TRAPPC9: variants seen among roughly 807,000 people sequenced by gnomAD.
The protein encoded by TRAPPC9 is trafficking protein particle complex subunit 9.
In TRAPPC9, 83 loss-of-function variants were observed where a neutral mutation model predicts 124.0. That is an observed-to-expected ratio of 0.67 (90% CI 0.56 to 0.80). The LOEUF (loss-of-function observed/expected upper bound fraction) is 0.80, where lower values mean the gene tolerates loss of function less well. Ranked by LOEUF, TRAPPC9 falls within the 30% of genes least tolerant of loss-of-function variation. The pLI, the probability that TRAPPC9 is intolerant of heterozygous loss-of-function variation, is 0.00. For synonymous variants in TRAPPC9, 638 were observed against 617.5 expected, an observed-to-expected ratio of 1.03 and a Z score of -0.49; for missense variants, 1,302 against 1,508.3, an observed-to-expected ratio of 0.86 and a Z score of 2.27.
At chr8:140,056,180 A>G (rs1842278879) in intron 17 of TRAPPC9, among the ~76,000 whole-genome samples, 2 of 152,122 alleles carry the variant, frequency 1.3e-5, no homozygotes, top group African/African-American at 4.8e-5. Context: ...AGTCTGAGGC[A>G]GAAGGATCAC....
At chr8:140,033,683 T>TG (rs1563706927) in intron 17 of TRAPPC9, among the ~76,000 whole-genome samples, 5 of 117,974 alleles carry the variant, frequency 4.2e-5, no homozygotes, top group African/African-American at 1.8e-4. Context: ...TTTTTTTTTT[T>TG]TTTTTTTTTT....
chr8:140,201,399 AAAACAACAAAC>A (rs1252532431), intron 17 of TRAPPC9, among the ~76,000 whole-genome samples: 1 of 152,232 alleles, frequency 6.6e-6, no homozygotes, highest in Non-Finnish European at 1.5e-5. Flanking sequence ...CTTGATGTAA[AAAACAACAAAC>A]AAACAAAACT....
chr8:140,078,670 G>A (rs1301434872), intron 17 of TRAPPC9, among the ~76,000 whole-genome samples: 5 of 152,176 alleles, frequency 3.3e-5, no homozygotes, highest in Admixed American at 3.3e-4. Context: ...GCAGCTCAGG[G>A]TTGAGAATGT....
intron 21 of TRAPPC9, among the ~76,000 whole-genome samples, chr8:139,789,603 TGTGTG>T (rs1344812472): frequency 1.3e-5 from 2 of 152,146 alleles, no homozygotes; most frequent in African/African-American, 4.8e-5. Flanking sequence ...GCACCCAACC[TGTGTG>T]GTCAACAGTG....
At chr8:140,002,754 A>C (rs1838481117) in intron 18 of TRAPPC9, among the ~76,000 whole-genome samples, 2 of 151,514 alleles carry the variant, frequency 1.3e-5, no homozygotes, top group African/African-American at 4.8e-5. Context: ...ACACAGATAC[A>C]GTCATTTTAT....
intron 19 of TRAPPC9, among the ~76,000 whole-genome samples, chr8:139,950,240 T>A (rs1288766313): frequency 6.6e-6 from 1 of 152,270 alleles, no homozygotes; most frequent in East Asian, 1.9e-4. Flanking sequence ...TCATCCTCAA[T>A]GAGTTCTCAT....
chr8:139,823,710 A>G lies in TRAPPC9; in HGVS notation c.3055+62169T>C, dbSNP rs1235417481. Among the ~76,000 whole-genome samples the G allele has an allele frequency of 2.0e-5, 3 of 152,358 alleles. No individual in the cohort carries two copies. In the East Asian group the frequency reaches 5.8e-4, roughly 29 times the overall value. On this transcript the variant is annotated intron_variant, in intron 21 of 22. Coordinates refer to ENST00000438773, the MANE Select transcript of TRAPPC9 (RefSeq NM_001160372.4). ...GTGTTCCTGGGAAGCCCTGCAGCAG[A>G]GGTGCCAGTCTTTCCAGGTATGGGG... is the stretch of plus-strand genomic sequence containing the variant.
chr8:140,266,248 G>C (rs953245583), intron 15 of TRAPPC9, among the ~76,000 whole-genome samples: 6 of 152,034 alleles, frequency 3.9e-5, no homozygotes, highest in Non-Finnish European at 8.8e-5. Flanking sequence ...TTGGGCTTAG[G>C]AGTTCAAGAC....
chr8:139,767,974 G>C (rs920385969), intron 21 of TRAPPC9, among the ~76,000 whole-genome samples: 1 of 152,204 alleles, frequency 6.6e-6, no homozygotes, highest in African/African-American at 2.4e-5. Flanking sequence ...CAGACCCTTT[G>C]ACTCAGGGTC....
intron 3 of TRAPPC9, among the ~76,000 whole-genome samples, chr8:140,438,419 G>A (rs2070892862): frequency 1.3e-5 from 2 of 152,188 alleles, no homozygotes; most frequent in African/African-American, 4.8e-5. Flanking sequence ...GTGACACATG[G>A]AGGAGGTTTT....
intron 8 of TRAPPC9, among the ~76,000 whole-genome samples, chr8:140,366,852 C>A (rs1408815623): frequency 6.6e-6 from 1 of 152,084 alleles, no homozygotes; most frequent in African/African-American, 2.4e-5. Context: ...TCATCCAAAT[C>A]ATAGAAAAAA....
chr8:139,931,586 G>A (rs1833143978), intron 19 of TRAPPC9: 1 of 152,220 alleles, frequency 6.6e-6, no homozygotes. Flanking sequence ...GAGCCTCTGG[G>A]CCCCGCGGTC....
chr8:140,225,896 C>T (rs936531657), intron 16 of TRAPPC9, among the ~76,000 whole-genome samples: 20 of 152,316 alleles, frequency 1.3e-4, no homozygotes, highest in African/African-American at 4.8e-4. Context: ...TACACCAACG[C>T]TTTTATCTCC....
chr8:139,797,409 G>A (rs1317847712), intron 21 of TRAPPC9, among the ~76,000 whole-genome samples: 1 of 152,064 alleles, frequency 6.6e-6, no homozygotes, highest in Non-Finnish European at 1.5e-5. Context: ...ACAGGCACCC[G>A]CCATCATGCC....
rs1325396113 is a variant in TRAPPC9 at position 139,732,248 on chromosome 8, C to A, written c.3056-46G>T. On this transcript the variant is annotated intron_variant, in intron 21 of 22. Coordinates refer to ENST00000438773, the MANE Select transcript of TRAPPC9 (RefSeq NM_001160372.4). ...TCGGGGGCTGGGCTGGCCTGCACGG[C>A]CCAGCCGGCCTACCCCACCCACTCG... 6 of 1,499,076 alleles carry A rather than the reference C, an allele frequency of 4.0e-6. No homozygotes were observed. The Admixed American group carries it at 1.0e-4, about 25-fold the overall frequency. The allele number at this position is 1,499,076 out of a possible 1,614,324, so 92.9% of individuals were successfully genotyped here.
chr8:140,242,832 C>T (rs2063892357), intron 16 of TRAPPC9, among the ~76,000 whole-genome samples: 1 of 152,216 alleles, frequency 6.6e-6, no homozygotes, highest in Admixed American at 6.5e-5. Flanking sequence ...TCCCCACCTA[C>T]AGGAGGACTG....
rs1024178870 is a variant in TRAPPC9 at position 139,742,556 on chromosome 8, C to G, written c.3056-10354G>C. On this transcript the variant is annotated intron_variant, in intron 21 of 22. Coordinates refer to ENST00000438773, the MANE Select transcript of TRAPPC9 (RefSeq NM_001160372.4). This position sits in a 1 kb window ranked among gnomAD's most constrained non-coding sequence, Gnocchi z 4.7. Reference sequence around the variant, plus strand: ...CAGGGACCAGGCAAGTCAGGGGCCACCAGAGAGGGTCAGGACCCAAACTTT... The same window carrying G: ...CAGGGACCAGGCAAGTCAGGGGCCAGCAGAGAGGGTCAGGACCCAAACTTT... 6.6e-6 allele frequency among the ~76,000 whole-genome samples: 1 copy of G among 152,176 alleles called. No homozygotes were observed. The highest frequency in any genetic ancestry group is 1.5e-5 in the Non-Finnish European group (1 of 68,032).
chr8:139,893,110 C>T (rs1830449314), intron 20 of TRAPPC9, among the ~76,000 whole-genome samples: 2 of 152,214 alleles, frequency 1.3e-5, no homozygotes, highest in African/African-American at 2.4e-5. Context: ...CAAGACGTGC[C>T]GTGTTTCTCG....
At chr8:140,255,058 G>C (rs1563886431) in intron 15 of TRAPPC9, among the ~76,000 whole-genome samples, 1 of 152,214 alleles carries the variant, frequency 6.6e-6, no homozygotes, top group Non-Finnish European at 1.5e-5. Flanking sequence ...AGGTGTGCTC[G>C]ACCATGGCAC....
Sources: gnomAD v4.1 joint callset for allele counts (sites outside exome capture counted in the v4.1 genomes callset) on GRCh38, gnomAD v4.1.1 for gene constraint, Gnocchi (gnomAD v3.1) non-coding constraint, MANE v1.5 for transcripts, NCBI Gene and HGNC (gene_info 2026-07-23, HGNC 2026-07-21) for gene names.